The following SH3BP4 variants were observed in gnomAD, a reference collection of about 807,000 sequenced individuals.
SH3BP4 encodes the protein SH3 domain-binding protein 4.
In SH3BP4, 33 loss-of-function variants were observed where a neutral mutation model predicts 65.5. That is an observed-to-expected ratio of 0.50 (90% CI 0.38 to 0.67). The LOEUF is 0.67. SH3BP4 is among the 30% of genes least tolerant of loss of function. The probability of loss-of-function intolerance (pLI) is 0.00; values close to 1 mark genes in which losing one functional copy is unlikely to be tolerated. For missense variants in SH3BP4, 1,134 were observed against 1,261.4 expected, an observed-to-expected ratio of 0.90 and a Z score of 1.53; for synonymous variants, 552 against 545.5, an observed-to-expected ratio of 1.01 and a Z score of -0.17.
In SH3BP4 at chr2:235,046,965, C is replaced by A. The variant is rs1402647853; in HGVS notation, c.2478+3718C>A. ...ATGGCTGTGGCTGCACTCAGAGCAC[C>A]CCTCTGTCCTGGCCACTTCTCTCCC... On this transcript the variant is annotated intron_variant, in intron 4 of 5. Coordinates refer to ENST00000392011, the MANE Select transcript of SH3BP4 (RefSeq NM_014521.3). The surrounding 1 kb of genome is among the most constrained non-coding windows in gnomAD (Gnocchi z 4.2). Among the ~76,000 whole-genome samples the A allele has an allele frequency of 6.6e-6, 1 of 152,162 alleles. No individual in the cohort carries two copies. Among genetic ancestry groups the A allele is most frequent in the Non-Finnish European group, 1.5e-5 (1 of 68,042 alleles).
chr2:235,044,686 G>C (rs961670980), intron 4 of SH3BP4, among the ~76,000 whole-genome samples: 1 of 152,246 alleles, frequency 6.6e-6, no homozygotes, highest in Non-Finnish European at 1.5e-5. Flanking sequence ...AGCCCTGTTT[G>C]TCTGGGAGAG....
Position 235,041,548 on chromosome 2 carries a change from C to G in SH3BP4, c.779C>G (p.Pro260Arg). Residue 260 changes from proline to arginine, a missense_variant, in exon 4 of 6, where the codon CCC becomes CGC. By Grantham distance (103) the Pro-to-Arg change is moderately radical. Transcript: ENST00000392011. This position sits in a 1 kb window ranked among gnomAD's most constrained non-coding sequence, Gnocchi z 6.0. ...GTCCTCCAAGCCAAGTCCGATGCTC[C>G]CACATCGTCGAGTTTCTTCACCGGC... ...LSVLQAKSDA[P>R]TSSSFFTGLK... The G allele has an allele frequency of 1.2e-6, 2 of 1,614,156 alleles. No individual in the cohort carries two copies. The highest frequency in any genetic ancestry group is 1.7e-6 in the Non-Finnish European group (2 of 1,180,042).
At chr2:235,024,789 T>G (rs1480390524) in intron 2 of SH3BP4, among the ~76,000 whole-genome samples, 1 of 152,112 alleles carries the variant, frequency 6.6e-6, no homozygotes, top group East Asian at 1.9e-4. Flanking sequence ...TAAAGAAGTA[T>G]TAATAACAGT....
intron 1 of SH3BP4, among the ~76,000 whole-genome samples, chr2:234,985,014 C>T (rs951700517): frequency 4.6e-5 from 7 of 152,106 alleles, no homozygotes; most frequent in African/African-American, 1.4e-4. Flanking sequence ...GGCCAGGAGG[C>T]GGGGGCGTCG....
chr2:234,956,691 C>G (rs866546322), intron 1 of SH3BP4, among the ~76,000 whole-genome samples: 1 of 151,580 alleles, frequency 6.6e-6, no homozygotes, highest in Non-Finnish European at 1.5e-5. Context: ...GTAGCTGGAA[C>G]TACAGGTGCA....
Position 235,046,734 on chromosome 2 carries a change from G to A in SH3BP4, c.2478+3487G>A, listed in dbSNP as rs544335540. 6.1e-4 allele frequency among the ~76,000 whole-genome samples: 92 copies of A among 150,608 alleles called. No homozygotes were observed. Among genetic ancestry groups the A allele is most frequent in the African/African-American group, 2.1e-3 (87 of 40,490 alleles). ...ATAAGTGATTGAATGAATGAATGAT[G>A]GATGAATGAATGAATGATGAATGAA... On this transcript the variant is annotated intron_variant, in intron 4 of 5. Transcript: ENST00000392011. The surrounding 1 kb of genome is among the most constrained non-coding windows in gnomAD (Gnocchi z 4.2).
intron 1 of SH3BP4, among the ~76,000 whole-genome samples, chr2:234,983,651 C>T (rs1027698365): frequency 6.6e-6 from 1 of 152,196 alleles, no homozygotes; most frequent in Middle Eastern, 3.4e-3. Context: ...GGTGAGATAC[C>T]CTGGATTACC....
intron 2 of SH3BP4, among the ~76,000 whole-genome samples, chr2:234,998,815 G>T (rs777164688): frequency 1.3e-5 from 2 of 152,200 alleles, no homozygotes; most frequent in Non-Finnish European, 2.9e-5. Flanking sequence ...CAGAGATCCT[G>T]GCTTTCATAC....
intron 1 of SH3BP4, among the ~76,000 whole-genome samples, chr2:234,970,665 G>A (rs1456602115): frequency 3.9e-5 from 6 of 152,218 alleles, no homozygotes; most frequent in African/African-American, 9.6e-5. Flanking sequence ...CGGGGCGCCC[G>A]CCTTGCATTC....
chr2:235,022,300 T>C (rs956299654), intron 2 of SH3BP4, among the ~76,000 whole-genome samples: 1 of 152,150 alleles, frequency 6.6e-6, no homozygotes, highest in Non-Finnish European at 1.5e-5. Context: ...ACACTTGTGA[T>C]CCCAGCAGTT....
rs1317385004 is a variant in SH3BP4, at chr2:234,952,435, G to A, written c.-207+265G>A. On this transcript the variant is annotated intron_variant, in intron 1 of 5. Coordinates refer to ENST00000392011, the MANE Select transcript of SH3BP4 (RefSeq NM_014521.3). This position sits in a 1 kb window ranked among gnomAD's most constrained non-coding sequence, Gnocchi z 6.5. ...GGGCAGGGACCCGGCCCGGGGTTCC[G>A]GGCGCCGAGCCGCAGCCCTCCGCGT... Among the ~76,000 whole-genome samples, 1 of 150,822 alleles carries A rather than the reference G, an allele frequency of 6.6e-6. No individual in the cohort carries two copies. Among genetic ancestry groups the A allele is most frequent in the Non-Finnish European group, 1.5e-5 (1 of 67,594 alleles).
chr2:235,032,943 A>G (rs1695253066), intron 2 of SH3BP4, among the ~76,000 whole-genome samples: 2 of 152,186 alleles, frequency 1.3e-5, no homozygotes, highest in Non-Finnish European at 2.9e-5. Flanking sequence ...AACATCTGTG[A>G]CCACCCAGTT....
Position 234,974,932 on chromosome 2 carries a change from C to G in SH3BP4, c.-206-20371C>G, listed in dbSNP as rs566794876. Among the ~76,000 whole-genome samples, 4 of 152,324 alleles carry G rather than the reference C, an allele frequency of 2.6e-5. No individual in the cohort carries two copies. Among genetic ancestry groups the G allele is most frequent in the African/African-American group, 7.2e-5 (3 of 41,574 alleles). On this transcript the variant is annotated intron_variant, in intron 1 of 5. Transcript: ENST00000392011. This position sits in a 1 kb window ranked among gnomAD's most constrained non-coding sequence, Gnocchi z 4.6. ...ATTTGTGATGGGGATCATAATAAAA[C>G]TTAGCCTGATTAGAGGCATGTGGGA...
At chr2:234,987,741 ATGATGAACTAGATCT>A (rs1693613043) in intron 1 of SH3BP4, among the ~76,000 whole-genome samples, 1 of 152,204 alleles carries the variant, frequency 6.6e-6, no homozygotes, top group Admixed American at 6.5e-5. Flanking sequence ...AGAGTCCAGA[ATGATGAACTAGATCT>A]TGTGAGGCTC....
chr2:234,980,170 C>A (rs558955686), intron 1 of SH3BP4, among the ~76,000 whole-genome samples: 3 of 152,160 alleles, frequency 2.0e-5, no homozygotes, highest in South Asian at 4.2e-4. Context: ...GTAGTCCCCC[C>A]CTTATCTGCA....
chr2:234,981,940 C>T (rs77444672), intron 1 of SH3BP4, among the ~76,000 whole-genome samples: 19,853 of 152,154 alleles, frequency 0.13, 1,369 homozygotes, highest in Admixed American at 0.14. Context: ...GCCATTTTCC[C>T]GTCCCCGCCT....
intron 2 of SH3BP4, among the ~76,000 whole-genome samples, chr2:235,007,393 A>G (rs900589245): frequency 9.2e-5 from 14 of 152,166 alleles, no homozygotes; most frequent in African/African-American, 3.4e-4. Context: ...TGCCTCTCCC[A>G]GCCCCCCAGG....
chr2:235,042,072 G>A lies in SH3BP4; in HGVS notation c.1303G>A (p.Gly435Arg), dbSNP rs1695671652. ...CTCCGTCCCGCTCAACTGCAGCTGT[G>A]GGGACACGGTCCAGGCACAGCTGCA... Reference protein sequence around the residue: ...YVSVPLNCSCGDTVQAQLHNL... With the variant: ...YVSVPLNCSCRDTVQAQLHNL... The change falls in exon 4 of 6, where the codon GGG becomes AGG. Residue 435 changes from glycine to arginine, a missense_variant. Gly to Arg is a moderately radical substitution (Grantham distance 125). Transcript: ENST00000392011. The surrounding 1 kb of genome is among the most constrained non-coding windows in gnomAD (Gnocchi z 7.3). 6.2e-7 allele frequency: 1 copy of A among 1,613,926 alleles called. No homozygotes were observed. The highest frequency in any genetic ancestry group is 1.3e-5 in the African/African-American group (1 of 74,932).
intron 2 of SH3BP4, among the ~76,000 whole-genome samples, chr2:235,017,255 C>A (rs949406041): frequency 5.3e-5 from 8 of 151,518 alleles, no homozygotes; most frequent in Non-Finnish European, 8.8e-5. Context: ...CAAGACCAGC[C>A]TGGCCAAGAT....
Sources: allele counts gnomAD v4.1 joint callset (sites outside exome capture counted in the v4.1 genomes callset), GRCh38; gene constraint gnomAD v4.1.1; non-coding constraint Gnocchi (gnomAD v3.1); transcripts MANE v1.5; gene names NCBI Gene and HGNC (gene_info 2026-07-23, HGNC 2026-07-21).